The following NEK10 variants were observed in gnomAD, a reference collection of about 807,000 sequenced individuals.
NEK10 encodes serine/threonine-protein kinase Nek10.
In NEK10, 122 loss-of-function variants were observed where a neutral mutation model predicts 159.8. The observed-to-expected ratio is 0.76, with a 90% CI of 0.66 to 0.89. The LOEUF (loss-of-function observed/expected upper bound fraction) is 0.89. Among genes scored for constraint, NEK10 ranks in the 40% least tolerant of loss-of-function variants. NEK10 has a pLI of 0.00. For missense variants in NEK10, 1,342 were observed against 1,323.1 expected (o/e 1.01, Z -0.22); for synonymous variants, 466 against 457.1 (o/e 1.02, Z -0.25).
At chr3:27,235,481 G>T (rs1041084447) in intron 23 of NEK10, among the ~76,000 whole-genome samples, 1 of 152,070 alleles carries the variant, frequency 6.6e-6, no homozygotes, top group African/African-American at 2.4e-5. Flanking sequence ...TTCAGAAGAA[G>T]GTATACATTC....
intron 5 of NEK10, among the ~76,000 whole-genome samples, chr3:27,323,604 GAA>G (rs10663628): frequency 2.7e-5 from 4 of 150,660 alleles, no homozygotes; most frequent in African/African-American, 9.7e-5. Context: ...TCAGAGGGGG[GAA>G]AAAAAAACCT....
chr3:27,197,009 A>G (rs1238531582), intron 25 of NEK10, among the ~76,000 whole-genome samples: 1 of 151,940 alleles, frequency 6.6e-6, no homozygotes, highest in Admixed American at 6.6e-5. Context: ...AAAATTGCTC[A>G]AGTATTTACC....
At chr3:27,143,533 C>T (rs1943990547) in intron 30 of NEK10, 2 of 722,836 alleles carry the variant, frequency 2.8e-6, no homozygotes, top group African/African-American at 1.7e-5. Context: ...ATCAACTATG[C>T]AATTTTTTTA....
chr3:27,280,432 C>G (rs910776768), intron 22 of NEK10, among the ~76,000 whole-genome samples: 4 of 152,108 alleles, frequency 2.6e-5, no homozygotes, highest in African/African-American at 9.7e-5. Flanking sequence ...ATCAAGCACC[C>G]TCTGCCACTA....
At chr3:27,286,570 A>ATTTTTG (rs2042631706) in intron 20 of NEK10, among the ~76,000 whole-genome samples, 1 of 29,358 alleles carries the variant, frequency 3.4e-5, no homozygotes, top group African/African-American at 4.7e-4. Context: ...TTTTTTTTTA[A>ATTTTTG]GTAGAGACAG....
chr3:27,121,586 C>T (rs927551590), intron 32 of NEK10, among the ~76,000 whole-genome samples: 6 of 152,172 alleles, frequency 3.9e-5, no homozygotes, highest in South Asian at 4.1e-4. Flanking sequence ...TGCTGCCACC[C>T]GTGTAAGATG....
chr3:27,240,464 T>C (rs1436356346), intron 23 of NEK10, among the ~76,000 whole-genome samples: 2 of 152,170 alleles, frequency 1.3e-5, no homozygotes, highest in Non-Finnish European at 2.9e-5. Context: ...TACATAATTA[T>C]ACAAATGCCT....
At chr3:27,166,416 GT>G (rs1208814519) in intron 29 of NEK10, among the ~76,000 whole-genome samples, 8 of 152,178 alleles carry the variant, frequency 5.3e-5, no homozygotes, top group African/African-American at 1.9e-4. Context: ...TTTTAAGGCT[GT>G]TGGAGTGAGA....
At chr3:27,211,814 A>G (rs192023339) in intron 23 of NEK10, among the ~76,000 whole-genome samples, 32 of 152,304 alleles carry the variant, frequency 2.1e-4, no homozygotes, top group Admixed American at 7.8e-4. Flanking sequence ...TATACTAATT[A>G]ATTGATTGAT....
At chr3:27,308,721 GA>G (rs1360100557) in intron 10 of NEK10, among the ~76,000 whole-genome samples, 1 of 152,074 alleles carries the variant, frequency 6.6e-6, no homozygotes, top group East Asian at 1.9e-4. Context: ...GAAATAAAAA[GA>G]AAATTTTAAA....
chr3:27,214,938 T>G (rs1951356461), intron 23 of NEK10: 1 of 948,624 alleles, frequency 1.1e-6, no homozygotes, highest in East Asian at 2.4e-5. Context: ...AGAAGACAAT[T>G]CCTAATCCAA....
At chr3:27,112,295 C>A (rs1048630729) in intron 35 of NEK10, among the ~76,000 whole-genome samples, 1 of 152,108 alleles carries the variant, frequency 6.6e-6, no homozygotes, top group African/African-American at 2.4e-5. Context: ...TAAATATAAA[C>A]CCTATAATTT....
At chr3:27,348,606 C>T (rs1376791452) in intron 3 of NEK10, among the ~76,000 whole-genome samples, 1 of 152,142 alleles carries the variant, frequency 6.6e-6, no homozygotes, top group African/African-American at 2.4e-5. Flanking sequence ...CCTGTTACTC[C>T]TGATCTTGGG....
At position 27,291,378 on chromosome 3, in the gene NEK10, T is replaced by C. The variant is rs766067111; in HGVS notation, c.1489A>G (p.Lys497Glu). Residue 497 changes from lysine (K) to glutamate (E), a missense_variant, in exon 18 of 36, where the codon AAG becomes GAG. By Grantham distance (56) the Lys-to-Glu change is moderately conservative. Coordinates refer to ENST00000691995, the MANE Select transcript of NEK10 (RefSeq NM_001394966.1). ...KLNLLVEDEL[K>E]QIAENIESIN... ...CTTTCAATATTTTCAGCAATTTGCT[T>C]CAGTTCATCCTCCTAATCAAAATAT... The C allele has an allele frequency of 1.2e-6, 2 of 1,612,362 alleles. No homozygotes were observed. Among genetic ancestry groups the C allele is most frequent in the African/African-American group, 2.7e-5 (2 of 74,974 alleles).
chr3:27,146,321 C>CA (rs1944293375), intron 30 of NEK10, among the ~76,000 whole-genome samples: 1 of 151,992 alleles, frequency 6.6e-6, no homozygotes, highest in Admixed American at 6.6e-5. Context: ...AAATTAAACC[C>CA]AAAAAAGTGG....
At chr3:27,145,346 A>T (rs1195295930) in intron 30 of NEK10, among the ~76,000 whole-genome samples, 1 of 152,218 alleles carries the variant, frequency 6.6e-6, no homozygotes, top group Non-Finnish European at 1.5e-5. Flanking sequence ...TTTAAATAAA[A>T]TCAAAGTTTA....
At chr3:27,213,778 T>G (rs1466062040) in intron 23 of NEK10, among the ~76,000 whole-genome samples, 1 of 152,114 alleles carries the variant, frequency 6.6e-6, no homozygotes, top group South Asian at 2.1e-4. Flanking sequence ...ACACGACAGA[T>G]AGCAGGCCCT....
At chr3:27,309,788 C>A (rs954065583) in intron 9 of NEK10, 5 of 152,134 alleles carry the variant, frequency 3.3e-5, no homozygotes, top group African/African-American at 1.2e-4. Flanking sequence ...CATTCTTTTG[C>A]CAAACTAAAC....
At chr3:27,132,776 G>C (rs1247851039) in intron 31 of NEK10, among the ~76,000 whole-genome samples, 1 of 152,118 alleles carries the variant, frequency 6.6e-6, no homozygotes, top group Non-Finnish European at 1.5e-5. Context: ...AAGGGTCTCA[G>C]AGTGGAAATA....
Sources: gnomAD v4.1 joint callset for allele counts (sites outside exome capture counted in the v4.1 genomes callset) on GRCh38, gnomAD v4.1.1 for gene constraint, MANE v1.5 for transcripts, NCBI Gene and HGNC (gene_info 2026-07-23, HGNC 2026-07-21) for gene names.